KARS1: variants seen among roughly 807,000 people sequenced by gnomAD.
KARS1 encodes the protein lysine--tRNA ligase.
In KARS1, 50 loss-of-function variants were observed where a neutral mutation model predicts 63.9. The observed-to-expected ratio is 0.78, with a 90% CI of 0.62 to 0.99. KARS1 has a LOEUF of 0.99. Ranked by LOEUF, KARS1 falls within the 50% of genes least tolerant of loss-of-function variation. The pLI, the probability that KARS1 is intolerant of heterozygous loss-of-function variation, is 0.00. For synonymous variants in KARS1, 320 were observed against 264.6 expected, an observed-to-expected ratio of 1.21 and a Z score of -2.03; for missense variants, 816 against 754.5, an observed-to-expected ratio of 1.08 and a Z score of -0.95.
chr16:75,635,931 T>A lies in KARS1; in HGVS notation c.650A>T (p.His217Leu). 6.2e-7 allele frequency: 1 copy of A among 1,614,104 alleles called. No homozygotes were observed. Among genetic ancestry groups the A allele is most frequent in the South Asian group, 1.1e-5 (1 of 91,078 alleles). ...GCTTACCTTGTCTTTGAGGCCAAAG[T>A]GAAGATGAGGTAACATATGCAAACA... ...SPCLHMLPHL[H>L]FGLKDKETRY... Residue 217 changes from histidine to leucine, a missense_variant, in exon 5 of 14, where the codon CAC becomes CTC. By Grantham distance (99) the His-to-Leu change is moderately conservative (BLOSUM62 -3). Transcript: ENST00000302445.
intron 1 of KARS1, chr16:75,642,624 G>C (rs932855182): frequency 1.3e-5 from 2 of 152,112 alleles, no homozygotes; most frequent in Admixed American, 1.3e-4. Context: ...AGCACTCAAG[G>C]AGACCTCCCC....
chr16:75,628,054 A>G, intron 13 of KARS1, 61 bp from the exon 14 acceptor site: 1 of 967,030 alleles, frequency 1.0e-6, no homozygotes, highest in South Asian at 1.3e-5. Flanking sequence ...TTTCACAGCT[A>G]TCTACCCATT....
At chr16:75,631,964 C>T (rs765358331) in intron 7 of KARS1, 109 bp from the exon 8 acceptor site, 52 of 1,263,998 alleles carry the variant, frequency 4.1e-5, no homozygotes, top group Admixed American at 6.9e-5. Flanking sequence ...CTCAGCTCAC[C>T]GCAACCTCCG....
chr16:75,634,826 C>T (rs563508126), intron 6 of KARS1, among the ~76,000 whole-genome samples: 4 of 152,102 alleles, frequency 2.6e-5, no homozygotes, highest in Non-Finnish European at 5.9e-5. Context: ...CTGCTCACCT[C>T]GGCCTCCCAA....
intron 12 of KARS1, chr16:75,628,957 C>CT: frequency 1.8e-6 from 1 of 551,816 alleles, no homozygotes; most frequent in Non-Finnish European, 3.2e-6. Context: ...GAAAACCCTT[C>CT]TGCTGCTTGG....
intron 1 of KARS1, among the ~76,000 whole-genome samples, chr16:75,647,240 T>C (rs2082296967): frequency 6.6e-6 from 1 of 152,224 alleles, no homozygotes; most frequent in Non-Finnish European, 1.5e-5. Flanking sequence ...AACAAAAGAA[T>C]GCATTTCTCA....
At position 75,627,902 on chromosome 16, in the gene KARS1, G is replaced by A; in HGVS notation, c.1787C>T (p.Ser596Phe). 6.4e-7 allele frequency: 1 copy of A among 1,572,308 alleles called. No individual in the cohort carries two copies. Among genetic ancestry groups the A allele is most frequent in the Non-Finnish European group, 8.8e-7 (1 of 1,142,370 alleles). Residue 596 changes from serine (S) to phenylalanine (F), a missense_variant, in exon 14 of 14, where the codon TCT becomes TTT. Physicochemically the swap from Ser to Phe is radical, Grantham distance 155 (BLOSUM62 -2). Transcript: ENST00000302445. ...ACTTGCAATTATTATTTTCTAGACA[G>A]AAGTGCCAACTGTTGTGCTTTCCAG... Reference protein sequence around the residue: ...DTLESTTVGTSV With the variant: ...DTLESTTVGTFV
rs1206355099 is a variant in KARS1, at chr16:75,627,750, A to AT, written c.*144dup. The AT allele has an allele frequency of 4.4e-6, 3 of 681,042 alleles. No individual in the cohort carries two copies. Among genetic ancestry groups the AT allele is most frequent in the Non-Finnish European group, 8.1e-6 (3 of 371,940 alleles). The allele number at this position is 681,042 out of a possible 1,614,324, so 42.2% of individuals were successfully genotyped here. The stretch of plus-strand genomic sequence containing the variant: ...TATTTGGTAACAGGATTAAAAAGAA[A>AT]TTTTTAATTCCTTGTCTCTCTTCTG... On this transcript the variant is annotated 3_prime_UTR_variant, in exon 14 of 14. Transcript: ENST00000302445.
At chr16:75,640,486 C>T (rs994043318) in intron 2 of KARS1, 137 bp from the exon 3 acceptor site, 7 of 800,628 alleles carry the variant, frequency 8.7e-6, no homozygotes, top group South Asian at 4.5e-5. Flanking sequence ...CTCTGCATTA[C>T]AGGATTGAAT....
chr16:75,639,499 G>T lies in KARS1; in HGVS notation c.388+685C>A, dbSNP rs542977252. ...AGGCAAGAGAATTGCTTGAACCTGG[G>T]GGGCAGAGGTTGCAGTAAGCTGAGA... On this transcript the variant is annotated intron_variant, in intron 3 of 13. Transcript: ENST00000302445. Among the ~76,000 whole-genome samples, 24 of 151,378 alleles carry T rather than the reference G, an allele frequency of 1.6e-4. No homozygotes were observed. In the South Asian group the frequency reaches 2.7e-3, roughly 17 times the overall value.
At chr16:75,643,046 T>C (rs1345670680) in intron 1 of KARS1, among the ~76,000 whole-genome samples, 2 of 152,224 alleles carry the variant, frequency 1.3e-5, no homozygotes, top group Non-Finnish European at 2.9e-5. Flanking sequence ...TCCAAACTCT[T>C]GATACTTATC....
intron 6 of KARS1, among the ~76,000 whole-genome samples, chr16:75,634,688 G>A (rs538573254): frequency 3.3e-5 from 5 of 152,256 alleles, no homozygotes; most frequent in South Asian, 4.1e-4. Flanking sequence ...CCATTCTCCT[G>A]ACTCAGACTC....
rs57551067 is a variant in KARS1 at position 75,638,217 on chromosome 16, C to CTT, written c.389-1672_389-1671dup. 1.8e-3 allele frequency among the ~76,000 whole-genome samples: 265 copies of CTT among 147,006 alleles called. 1 individual carries two copies. Among genetic ancestry groups the CTT allele is most frequent in the African/African-American group, 6.0e-3 (242 of 40,104 alleles). On this transcript the variant is annotated intron_variant, in intron 3 of 13. Transcript: ENST00000302445. ...ACATGCTTAGAAAAACAAAAAGTTCCTTTTTTTTTTTTTATTTTACTTTAA... is the reference window on the plus strand; with the variant it reads ...ACATGCTTAGAAAAACAAAAAGTTCCTTTTTTTTTTTTTTTATTTTACTTTAA...
At chr16:75,644,521 C>T (rs1476559595) in intron 1 of KARS1, 2 of 1,268,776 alleles carry the variant, frequency 1.6e-6, no homozygotes, top group Non-Finnish European at 2.2e-6. Context: ...ATATACCCAA[C>T]CAACTCTCTT....
chr16:75,635,288 GGAA>G, intron 6 of KARS1: 1 of 311,748 alleles, frequency 3.2e-6, no homozygotes. Context: ...GTTTGGGTAG[GGAA>G]GTTAGTCAGA....
Position 75,629,518 on chromosome 16 carries a change from G to C in KARS1, c.1448C>G (p.Thr483Ser), listed in dbSNP as rs200645820. 9.7e-5 allele frequency: 156 copies of C among 1,614,018 alleles called. No individual in the cohort carries two copies. Among genetic ancestry groups the C allele is most frequent in the Middle Eastern group, 1.6e-4 (1 of 6,084 alleles). Residue 483 changes from threonine to serine, a missense_variant, in exon 12 of 14, where the codon ACT becomes AGT. Coordinates refer to ENST00000302445, the MANE Select transcript of KARS1 (RefSeq NM_005548.3). Reference protein sequence around the residue: ...AKWHRSKEGLTERFELFVMKK... With the variant: ...AKWHRSKEGLSERFELFVMKK... ...CATGACAAACAGCTCAAAGCGCTCA[G>C]TCAGACCCTCTTTAGAGCGGTGCCT... is the stretch of plus-strand genomic sequence containing the variant.
chr16:75,638,240 T>C (rs2151807742), intron 3 of KARS1, among the ~76,000 whole-genome samples: 1 of 152,164 alleles, frequency 6.6e-6, no homozygotes, highest in South Asian at 2.1e-4. Flanking sequence ...TATTTTACTT[T>C]AAGTTCTGGG....
Position 75,628,005 on chromosome 16 carries a change from A to C in KARS1, c.1696-12T>G. 6.7e-7 allele frequency: 1 copy of C among 1,491,622 alleles called. No homozygotes were observed. 92.4% of individuals were successfully genotyped at this position (1,491,622 alleles called of 1,614,324 possible). ...AACAGAAGTACTTCCTGTGGGAGAT[A>C]AGAATGTACCTTGAAGCTGAGAAGC... On this transcript the variant is annotated splice_polypyrimidine_tract_variant and intron_variant, in intron 13 of 13. Coordinates refer to ENST00000302445, the MANE Select transcript of KARS1 (RefSeq NM_005548.3).
At chr16:75,643,583 G>A (rs1479583206) in intron 1 of KARS1, among the ~76,000 whole-genome samples, 1 of 152,102 alleles carries the variant, frequency 6.6e-6, no homozygotes, top group South Asian at 2.1e-4. Flanking sequence ...GTTTCACCGT[G>A]TTAGCCAGGA....
Sources: allele counts gnomAD v4.1 joint callset (sites outside exome capture counted in the v4.1 genomes callset), GRCh38; gene constraint gnomAD v4.1.1; transcripts MANE v1.5; gene names NCBI Gene and HGNC (gene_info 2026-07-23, HGNC 2026-07-21).